Variants in PLXDC2 observed in about 807,000 individuals in gnomAD.
PLXDC2 encodes the protein plexin domain-containing protein 2.
Under a neutral mutation model 68.9 loss-of-function variants are expected in PLXDC2, and 40 were observed. The observed-to-expected ratio is 0.58, with a 90% CI of 0.45 to 0.76. The LOEUF (loss-of-function observed/expected upper bound fraction) is 0.76. PLXDC2 is among the 30% of genes least tolerant of loss of function. The probability of loss-of-function intolerance (pLI) is 0.00; values close to 1 mark genes in which losing one functional copy is unlikely to be tolerated. For synonymous variants in PLXDC2, 243 were observed against 234.2 expected (o/e 1.04, Z -0.34); for missense variants, 644 against 661.9 (o/e 0.97, Z 0.30).
At position 19,892,278 on chromosome 10, in the gene PLXDC2, G is replaced by A. The variant is rs1182075566; in HGVS notation, c.112+75087G>A. 2.0e-5 allele frequency among the ~76,000 whole-genome samples: 3 copies of A among 152,206 alleles called. No individual in the cohort carries two copies. The East Asian group carries it at 5.8e-4, about 29-fold the overall frequency. On this transcript the variant is annotated intron_variant, in intron 1 of 13. Coordinates refer to ENST00000377252, the MANE Select transcript of PLXDC2 (RefSeq NM_032812.9). ...GTGCTATTATTATCTCTGTGTTAGAGGCGAATGTCTGTGGCATGGTGGACT... is the reference window on the plus strand; with the variant it reads ...GTGCTATTATTATCTCTGTGTTAGAAGCGAATGTCTGTGGCATGGTGGACT...
intron 1 of PLXDC2, among the ~76,000 whole-genome samples, chr10:19,947,818 C>A (rs954327470): frequency 6.7e-6 from 1 of 149,636 alleles, no homozygotes; most frequent in African/African-American, 2.5e-5. Context: ...ATTAATAACT[C>A]CTTGAAGAGA....
intron 1 of PLXDC2, among the ~76,000 whole-genome samples, chr10:19,941,726 A>G (rs1015667389): frequency 1.3e-5 from 2 of 152,148 alleles, no homozygotes; most frequent in Non-Finnish European, 2.9e-5. Context: ...CCCTTCACTC[A>G]TGGAAATGAA....
intron 4 of PLXDC2, among the ~76,000 whole-genome samples, chr10:20,080,749 T>C (rs11011785): frequency 0.23 from 34,543 of 152,010 alleles, 5,253 homozygotes; most frequent in East Asian, 0.6. Flanking sequence ...AACAATACTT[T>C]GTATCCTTCA....
At chr10:19,850,278 G>GTT (rs35339352) in intron 1 of PLXDC2, among the ~76,000 whole-genome samples, 12 of 142,768 alleles carry the variant, frequency 8.4e-5, no homozygotes, top group East Asian at 8.2e-4. Context: ...TAACTGATAG[G>GTT]TTTTTTTTTT....
chr10:20,034,310 C>T (rs1835545285), intron 2 of PLXDC2, among the ~76,000 whole-genome samples: 1 of 152,086 alleles, frequency 6.6e-6, no homozygotes, highest in South Asian at 2.1e-4. Context: ...TTAAAAGTAA[C>T]AGTATTTTCA....
intron 1 of PLXDC2, among the ~76,000 whole-genome samples, chr10:19,973,322 G>GTATACATATATATGTGTATATATGTA (rs1834391447): frequency 3.5e-5 from 5 of 141,662 alleles, no homozygotes; most frequent in East Asian, 4.1e-4. Context: ...ACATATATAT[G>GTATACATATATATGTGTATATATGTA]TATACATATA....
intron 1 of PLXDC2, among the ~76,000 whole-genome samples, chr10:19,856,375 C>A (rs1169492343): frequency 8.3e-6 from 1 of 120,868 alleles, no homozygotes; most frequent in African/African-American, 3.3e-5. Flanking sequence ...AACACACACA[C>A]ACAGACACAC....
intron 4 of PLXDC2, among the ~76,000 whole-genome samples, chr10:20,132,558 T>G (rs1016350493): frequency 7.2e-5 from 11 of 152,178 alleles, no homozygotes; most frequent in Non-Finnish European, 1.5e-4. Flanking sequence ...ATTTACAATT[T>G]TATGTCCTTT....
intron 4 of PLXDC2, among the ~76,000 whole-genome samples, chr10:20,079,055 TAAAATTTTCATATATTAAAA>T (rs1836503030): frequency 6.6e-6 from 1 of 152,140 alleles, no homozygotes; most frequent in East Asian, 1.9e-4. Context: ...ATGCATATAA[TAAAATTTTCATATATTAAAA>T]ATTCATGGCA....
At chr10:20,178,171 A>G (rs1170992874) in intron 9 of PLXDC2, among the ~76,000 whole-genome samples, 1 of 152,176 alleles carries the variant, frequency 6.6e-6, no homozygotes, top group Non-Finnish European at 1.5e-5. Context: ...ATAATCTAAT[A>G]CAAAAATAGA....
chr10:20,255,676 AC>A (rs1835733624), intron 13 of PLXDC2, among the ~76,000 whole-genome samples: 1 of 152,122 alleles, frequency 6.6e-6, no homozygotes, highest in African/African-American at 2.4e-5. Flanking sequence ...TATAACTAAT[AC>A]TAGAGTTATT....
intron 4 of PLXDC2, among the ~76,000 whole-genome samples, chr10:20,084,585 A>T (rs1477053811): frequency 6.6e-6 from 1 of 152,108 alleles, no homozygotes; most frequent in African/African-American, 2.4e-5. Context: ...GAAGGCAGGT[A>T]GAAGGCAGCT....
chr10:20,029,052 A>G (rs188092242), intron 2 of PLXDC2, among the ~76,000 whole-genome samples: 40 of 152,232 alleles, frequency 2.6e-4, no homozygotes, highest in African/African-American at 8.7e-4. Flanking sequence ...CCTTTTTCCT[A>G]TGATCAGACC....
chr10:19,862,487 G>C (rs980508817), intron 1 of PLXDC2, among the ~76,000 whole-genome samples: 44 of 152,294 alleles, frequency 2.9e-4, no homozygotes, highest in African/African-American at 1.0e-3. Flanking sequence ...ATAGCGAAGC[G>C]TTACAATAAG....
At chr10:20,164,192 T>C (rs950480858) in intron 6 of PLXDC2, among the ~76,000 whole-genome samples, 3 of 152,196 alleles carry the variant, frequency 2.0e-5, no homozygotes, top group African/African-American at 7.2e-5. Flanking sequence ...TTGCAGCATC[T>C]AACATCAATT....
chr10:19,920,522 G>A (rs1438603618), intron 1 of PLXDC2, among the ~76,000 whole-genome samples: 1 of 152,232 alleles, frequency 6.6e-6, no homozygotes, highest in Non-Finnish European at 1.5e-5. Context: ...GCCATGAACT[G>A]GTGGAAGGAG....
intron 4 of PLXDC2, among the ~76,000 whole-genome samples, chr10:20,087,497 T>C (rs1833215897): frequency 6.6e-6 from 1 of 152,216 alleles, no homozygotes; most frequent in South Asian, 2.1e-4. Context: ...CAATAAATAC[T>C]GATGTTGTCC....
intron 7 of PLXDC2, among the ~76,000 whole-genome samples, chr10:20,174,833 T>C (rs377223184): frequency 9.7e-4 from 147 of 152,002 alleles, no homozygotes; most frequent in African/African-American, 3.5e-3. Context: ...GAGATACTTA[T>C]AGGTTGTTAG....
intron 1 of PLXDC2, among the ~76,000 whole-genome samples, chr10:19,922,324 T>A (rs144427385): frequency 6.6e-6 from 1 of 152,356 alleles, no homozygotes; most frequent in African/African-American, 2.4e-5. Context: ...TCGTAACTTG[T>A]ACTTTATGGG....
Sources: allele counts gnomAD v4.1 joint callset (sites outside exome capture counted in the v4.1 genomes callset), GRCh38; gene constraint gnomAD v4.1.1; transcripts MANE v1.5; gene names NCBI Gene and HGNC (gene_info 2026-07-23, HGNC 2026-07-21).